ZFP30: variants seen among roughly 807,000 people sequenced by gnomAD.
ZFP30 encodes the protein ZFP30 zinc finger protein.
ZFP30 carries 16 observed loss-of-function variants against 12.3 expected under a neutral mutation model. The observed-to-expected ratio is 1.30, with a 90% CI of 0.88 to 1.98. The LOEUF (loss-of-function observed/expected upper bound fraction) is 1.98, where lower values mean the gene tolerates loss of function less well. Ranked by LOEUF, ZFP30 falls within the 30% of genes most tolerant of loss-of-function variation. ZFP30 has a pLI of 0.00. For missense variants in ZFP30, 560 were observed against 611.2 expected (o/e 0.92, Z 0.88); for synonymous variants, 172 against 201.0 (o/e 0.86, Z 1.22).
In ZFP30 at chr19:37,647,179, A is replaced by G. The variant is rs112643201; in HGVS notation, c.9+635T>C. On this transcript the variant is annotated intron_variant, in intron 3 of 5. Transcript: ENST00000684514. ...TCAGATAAAATGCCCACTTCTAGGA[A>G]CTTCATTTCTGCCCCATCTCTGCTC... Among the ~76,000 whole-genome samples, 692 of 152,280 alleles carry G rather than the reference A, an allele frequency of 4.5e-3. 4 individuals carry two copies. The highest frequency in any genetic ancestry group is 0.016 in the African/African-American group (669 of 41,540).
At chr19:37,649,843 GAAAAA>G (rs67049117) in intron 2 of ZFP30, among the ~76,000 whole-genome samples, 6 of 148,946 alleles carry the variant, frequency 4.0e-5, no homozygotes, top group African/African-American at 1.5e-4. Context: ...AGAAAGAAAA[GAAAAA>G]AAAAAGAAAA....
Position 37,635,840 on chromosome 19 carries a change from C to T in ZFP30, c.701G>A (p.Arg234Lys). The T allele has an allele frequency of 6.2e-7, 1 of 1,614,130 alleles. No individual in the cohort carries two copies. Among genetic ancestry groups the T allele is most frequent in the Non-Finnish European group, 8.5e-7 (1 of 1,180,026 alleles). The change falls in exon 6 of 6, where the codon AGA becomes AAA. Residue 234 changes from arginine (R) to lysine (K), a missense_variant. Coordinates refer to ENST00000684514, the MANE Select transcript of ZFP30 (RefSeq NM_001320669.3). The stretch of plus-strand genomic sequence containing the variant: ...ATACGGCTTCTCACCAATATGAATT[C>T]TCTGATGTACTCGAAGGTCTGAGCC... ...TCGSDLRVHQ[R>K]IHIGEKPYEC...
At chr19:37,651,851 T>G (rs992263345) in intron 2 of ZFP30, among the ~76,000 whole-genome samples, 2 of 151,544 alleles carry the variant, frequency 1.3e-5, no homozygotes, top group Non-Finnish European at 2.9e-5. Flanking sequence ...ATCCATAAAA[T>G]GGAATACTAA....
rs2147248291 is a variant in ZFP30 at position 37,633,076 on chromosome 19, G to A, written c.*1905C>T. On this transcript the variant is annotated 3_prime_UTR_variant, in exon 6 of 6. Transcript: ENST00000684514. ...ATCCCAGCCACTCGGAAGTCTGAGGGAGGAGAATGGCTTGAACCCGGGAGG... is the reference window on the plus strand; with the variant it reads ...ATCCCAGCCACTCGGAAGTCTGAGGAAGGAGAATGGCTTGAACCCGGGAGG... 1 of 151,566 alleles carries A rather than the reference G, an allele frequency of 6.6e-6. No individual in the cohort carries two copies. The highest frequency in any genetic ancestry group is 2.0e-4 in the East Asian group (1 of 5,060). The allele number at this position is 151,566 out of a possible 1,614,324, so 9.4% of individuals were successfully genotyped here. A position where few individuals can be genotyped will look rare whatever the true frequency, so the allele number is the denominator to read the frequency against.
chr19:37,640,131 AAGAC>A (rs1205678854), intron 5 of ZFP30, among the ~76,000 whole-genome samples: 1 of 152,210 alleles, frequency 6.6e-6, no homozygotes, highest in African/African-American at 2.4e-5. Context: ...AAAATAGTAA[AAGAC>A]AGAAAACATA....
In ZFP30 at chr19:37,643,252, G is replaced by A. The variant is rs754696249; in HGVS notation, c.235+13C>T. ...ATGCCATAATGGCTGACCTCTGCCT[G>A]ATCAGCACTTACCTAGAGTCCATCT... On this transcript the variant is annotated intron_variant, in intron 5 of 5. Transcript: ENST00000684514. The A allele has an allele frequency of 6.2e-7, 1 of 1,607,546 alleles. No homozygotes were observed. The highest frequency in any genetic ancestry group is 8.5e-7 in the Non-Finnish European group (1 of 1,176,922).
In ZFP30 at chr19:37,635,663, A is replaced by G. The variant is rs757279021; in HGVS notation, c.878T>C (p.Ile293Thr). 1.5e-5 allele frequency: 25 copies of G among 1,613,930 alleles called. No homozygotes were observed. The highest frequency in any genetic ancestry group is 2.7e-5 in the African/African-American group (2 of 74,896). ...AHLTRHQRLN[I>T]AEKCYECKEC... ...CTTACACTCATAGCACTTCTCAGCA[A>G]TGTTCAGTCTCTGATGTCGAGTAAG... The change falls in exon 6 of 6, where the codon ATT (isoleucine) becomes ACT (threonine). Residue 293 changes from isoleucine to threonine, a missense_variant. Physicochemically the swap from Ile to Thr is moderately conservative, Grantham distance 89. Transcript: ENST00000684514.
At chr19:37,650,351 T>C (rs997119533) in intron 2 of ZFP30, among the ~76,000 whole-genome samples, 2 of 152,280 alleles carry the variant, frequency 1.3e-5, no homozygotes, top group Non-Finnish European at 2.9e-5. Context: ...GTGATCCACC[T>C]GCCTCCACCT....
chr19:37,633,703 T>A lies in ZFP30; in HGVS notation c.*1278A>T, dbSNP rs1194753854. The A allele has an allele frequency of 6.6e-6, 1 of 152,194 alleles. No homozygotes were observed. The highest frequency in any genetic ancestry group is 2.4e-5 in the African/African-American group (1 of 41,456). The allele number at this position is 152,194 out of a possible 1,614,324, so 9.4% of individuals were successfully genotyped here. A position where few individuals can be genotyped will look rare whatever the true frequency, so the allele number is the denominator to read the frequency against. Reference sequence around the variant, plus strand: ...AAACTGGCTATAATTTCATGGATAATTTGATCTTTAAAAGAACATCATGGA... The same window carrying A: ...AAACTGGCTATAATTTCATGGATAAATTGATCTTTAAAAGAACATCATGGA... On this transcript the variant is annotated 3_prime_UTR_variant, in exon 6 of 6. Coordinates refer to ENST00000684514, the MANE Select transcript of ZFP30 (RefSeq NM_001320669.3).
At chr19:37,636,388 CAA>C (rs58180098) in intron 5 of ZFP30, 83 bp from the exon 6 acceptor site, 24,925 of 875,128 alleles carry the variant, frequency 0.028, no homozygotes, top group East Asian at 0.036. Flanking sequence ...AATCGGTGAC[CAA>C]AAAAAAAAAA....
chr19:37,644,979 G>A (rs1179068574), intron 3 of ZFP30, among the ~76,000 whole-genome samples: 1 of 152,030 alleles, frequency 6.6e-6, no homozygotes, highest in Non-Finnish European at 1.5e-5. Flanking sequence ...GCCGAGGCAG[G>A]CAGATCACGA....
intron 5 of ZFP30, among the ~76,000 whole-genome samples, chr19:37,638,315 T>G (rs2044370144): frequency 6.6e-6 from 1 of 152,194 alleles, no homozygotes; most frequent in Non-Finnish European, 1.5e-5. Context: ...TTCCTGAAAG[T>G]CCCCATAATG....
At position 37,648,187 on chromosome 19, in the gene ZFP30, G is replaced by A. The variant is rs564841088; in HGVS notation, c.-77-288C>T. Among the ~76,000 whole-genome samples, 46 of 152,258 alleles carry A rather than the reference G, an allele frequency of 3.0e-4. No homozygotes were observed. In the South Asian group the frequency reaches 6.8e-3, roughly 23 times the overall value. On this transcript the variant is annotated intron_variant, in intron 2 of 5. Transcript: ENST00000684514. Reference sequence around the variant, plus strand: ...TGGTCCCCAGCTCTGACCCCAAGGCGGGCTGGTTTGGACCAAAGAATGGGT... The same window carrying A: ...TGGTCCCCAGCTCTGACCCCAAGGCAGGCTGGTTTGGACCAAAGAATGGGT...
intron 2 of ZFP30, among the ~76,000 whole-genome samples, chr19:37,648,222 C>G (rs970232152): frequency 6.6e-6 from 1 of 152,154 alleles, no homozygotes; most frequent in Admixed American, 6.5e-5. Flanking sequence ...TTGTGCAGAC[C>G]TGTCCTGAAC....
intron 5 of ZFP30, among the ~76,000 whole-genome samples, chr19:37,639,983 T>C (rs1458465658): frequency 6.6e-6 from 1 of 152,236 alleles, no homozygotes; most frequent in Non-Finnish European, 1.5e-5. Context: ...CAAGTTTGCC[T>C]ATTACAGTTC....
In ZFP30 at chr19:37,635,678, T is replaced by C; in HGVS notation, c.863A>G (p.His288Arg). ...CTTCTCAGCAATGTTCAGTCTCTGA[T>C]GTCGAGTAAGGTGTGCATACTGCCT... Reference protein sequence around the residue: ...AFRQYAHLTRHQRLNIAEKCY... With the variant: ...AFRQYAHLTRRQRLNIAEKCY... The change falls in exon 6 of 6, where the codon CAT becomes CGT. Residue 288 changes from histidine (H) to arginine (R), a missense_variant. Transcript: ENST00000684514. The C allele has an allele frequency of 1.2e-6, 2 of 1,614,234 alleles. No individual in the cohort carries two copies. Among genetic ancestry groups the C allele is most frequent in the Non-Finnish European group, 1.7e-6 (2 of 1,180,050 alleles).
Position 37,647,630 on chromosome 19 carries a change from T to C in ZFP30, c.9+184A>G, listed in dbSNP as rs117326271. Among the ~76,000 whole-genome samples the C allele has an allele frequency of 6.9e-3, 1,048 of 152,198 alleles. 32 individuals are homozygous for C. Among genetic ancestry groups the C allele is most frequent in the East Asian group, 0.055 (285 of 5,190 alleles). Reference sequence around the variant, plus strand: ...CAGCGTGAAAATGGACTAATACAGATACAGATGGAGAAGACAGGGGCACTT... The same window carrying C: ...CAGCGTGAAAATGGACTAATACAGACACAGATGGAGAAGACAGGGGCACTT... On this transcript the variant is annotated intron_variant, in intron 3 of 5. Transcript: ENST00000684514.
At chr19:37,644,063 G>A (rs17305774) in intron 4 of ZFP30, among the ~76,000 whole-genome samples, 1 of 152,162 alleles carries the variant, frequency 6.6e-6, no homozygotes, top group Non-Finnish European at 1.5e-5. Context: ...TATGAAATCA[G>A]ATTGTTTTGA....
chr19:37,650,581 C>G (rs1365479826), intron 2 of ZFP30, among the ~76,000 whole-genome samples: 1 of 152,126 alleles, frequency 6.6e-6, no homozygotes, highest in African/African-American at 2.4e-5. Context: ...ATTTAAAAAA[C>G]ATGCTAATAT....
Sources: allele counts gnomAD v4.1 joint callset (sites outside exome capture counted in the v4.1 genomes callset), GRCh38; gene constraint gnomAD v4.1.1; transcripts MANE v1.5; gene names NCBI Gene and HGNC (gene_info 2026-07-23, HGNC 2026-07-21).